MPP7: variants seen among roughly 807,000 people sequenced by gnomAD.
MPP7 encodes the protein MAGUK p55 scaffold protein 7.
MPP7 carries 60 observed loss-of-function variants against 76.5 expected under a neutral mutation model. The observed-to-expected ratio is 0.78, with a 90% CI of 0.64 to 0.97. The LOEUF (loss-of-function observed/expected upper bound fraction) is 0.97, where lower values mean the gene tolerates loss of function less well. Ranked by LOEUF, MPP7 falls within the 50% of genes least tolerant of loss-of-function variation. The probability of loss-of-function intolerance (pLI) is 0.00; values close to 1 mark genes in which losing one functional copy is unlikely to be tolerated. For synonymous variants in MPP7, 237 were observed against 244.5 expected (o/e 0.97, Z 0.29); for missense variants, 641 against 694.0 (o/e 0.92, Z 0.86).
At chr10:28,268,237 G>T (rs376375300) in intron 1 of MPP7, among the ~76,000 whole-genome samples, 1 of 152,122 alleles carries the variant, frequency 6.6e-6, no homozygotes, top group African/African-American at 2.4e-5. Context: ...AGGGCATCCG[G>T]CAGAAGGTAC....
At chr10:28,138,173 A>G (rs1771279204) in intron 5 of MPP7, among the ~76,000 whole-genome samples, 1 of 152,220 alleles carries the variant, frequency 6.6e-6, no homozygotes, top group Middle Eastern at 3.2e-3. Flanking sequence ...TATTCTAGAG[A>G]TGATGTCACT....
At chr10:28,258,339 T>C (rs1839850610) in intron 1 of MPP7, among the ~76,000 whole-genome samples, 2 of 149,186 alleles carry the variant, frequency 1.3e-5, no homozygotes, top group Admixed American at 6.7e-5. Flanking sequence ...GTAAATTTCC[T>C]ATTATACTTA....
intron 3 of MPP7, among the ~76,000 whole-genome samples, chr10:28,194,188 G>A (rs1474914319): frequency 6.6e-6 from 1 of 151,816 alleles, no homozygotes; most frequent in Non-Finnish European, 1.5e-5. Context: ...CTAGTTTTTT[G>A]TATTTCTAGT....
chr10:28,090,163 C>T (rs1293661263), intron 11 of MPP7, among the ~76,000 whole-genome samples: 10 of 152,010 alleles, frequency 6.6e-5, no homozygotes, highest in Non-Finnish European at 1.2e-4. Flanking sequence ...GGTCTTGCTA[C>T]GTTGCCCAGG....
intron 3 of MPP7, among the ~76,000 whole-genome samples, chr10:28,174,384 C>T (rs749233418): frequency 6.6e-6 from 1 of 152,128 alleles, no homozygotes; most frequent in Non-Finnish European, 1.5e-5. Context: ...CTCTTAGCTC[C>T]CATGAAAGCT....
intron 13 of MPP7, among the ~76,000 whole-genome samples, chr10:28,066,123 T>C (rs796738447): frequency 1.3e-5 from 2 of 152,136 alleles, no homozygotes; most frequent in African/African-American, 4.8e-5. Flanking sequence ...TCTCAGCACT[T>C]TGGGAGGCTG....
At chr10:28,288,483 G>A (rs895252158) in intron 1 of MPP7, among the ~76,000 whole-genome samples, 3 of 151,986 alleles carry the variant, frequency 2.0e-5, no homozygotes, top group Middle Eastern at 3.2e-3. Flanking sequence ...TCAAGTGATC[G>A]TCCCACCTCG....
intron 1 of MPP7, among the ~76,000 whole-genome samples, chr10:28,277,631 T>A (rs1267234392): frequency 2.0e-5 from 3 of 152,022 alleles, no homozygotes; most frequent in Admixed American, 6.5e-5. Flanking sequence ...CATGATGTTA[T>A]GCAAGGAAAG....
chr10:28,128,360 C>T (rs1835085221), intron 6 of MPP7, among the ~76,000 whole-genome samples: 1 of 152,148 alleles, frequency 6.6e-6, no homozygotes, highest in Non-Finnish European at 1.5e-5. Context: ...ATCTAAGAGT[C>T]TCCAATGACC....
chr10:28,268,711 G>A (rs1361689247), intron 1 of MPP7, among the ~76,000 whole-genome samples: 2 of 150,272 alleles, frequency 1.3e-5, no homozygotes, highest in South Asian at 2.1e-4. Flanking sequence ...CTCCAGCCTC[G>A]ATGACGGAGT....
intron 11 of MPP7, among the ~76,000 whole-genome samples, chr10:28,093,425 A>G (rs1030772079): frequency 6.6e-6 from 1 of 151,486 alleles, no homozygotes; most frequent in Non-Finnish European, 1.5e-5. Flanking sequence ...TTTAAAATTC[A>G]CTTAAGTTTT....
intron 8 of MPP7, among the ~76,000 whole-genome samples, chr10:28,123,508 G>A (rs1031677179): frequency 1.8e-4 from 23 of 129,726 alleles, no homozygotes; most frequent in Middle Eastern, 4.5e-3. Flanking sequence ...TTGCTATGAC[G>A]CCCAGGCTGG....
At chr10:28,132,817 C>G (rs999972727) in intron 5 of MPP7, among the ~76,000 whole-genome samples, 1 of 152,180 alleles carries the variant, frequency 6.6e-6, no homozygotes, top group African/African-American at 2.4e-5. Flanking sequence ...CCAGGCTGGT[C>G]TTGAACTCCT....
chr10:28,100,703 G>C (rs559682545), intron 11 of MPP7, among the ~76,000 whole-genome samples: 3 of 152,172 alleles, frequency 2.0e-5, no homozygotes, highest in African/African-American at 7.2e-5. Flanking sequence ...AAACACCCTT[G>C]AGTCTTTCAG....
At chr10:28,310,775 G>A (rs993510398) in intron 2 of MPP7, among the ~76,000 whole-genome samples, 2 of 152,078 alleles carry the variant, frequency 1.3e-5, no homozygotes, top group African/African-American at 4.8e-5. Flanking sequence ...GTATTTTTGG[G>A]AAAAAGCTAT....
At chr10:28,234,373 G>A (rs1382231867) in intron 2 of MPP7, among the ~76,000 whole-genome samples, 20 of 152,070 alleles carry the variant, frequency 1.3e-4, no homozygotes. Context: ...ATAAATGGGA[G>A]AGAAAAGACA....
intron 3 of MPP7, among the ~76,000 whole-genome samples, chr10:28,173,641 T>C (rs1015382274): frequency 6.6e-6 from 1 of 152,092 alleles, no homozygotes; most frequent in African/African-American, 2.4e-5. Context: ...AAATTACCCA[T>C]CCTCAACTAT....
chr10:28,141,790 C>T (rs1835529161), intron 5 of MPP7, among the ~76,000 whole-genome samples: 1 of 151,688 alleles, frequency 6.6e-6, no homozygotes, highest in Admixed American at 6.6e-5. Context: ...AAAGAGAATT[C>T]CAAATTTCTT....
intron 1 of MPP7, among the ~76,000 whole-genome samples, chr10:28,241,399 T>C (rs1839263902): frequency 2.0e-5 from 3 of 152,118 alleles, no homozygotes; most frequent in Admixed American, 6.6e-5. Context: ...TCTCAGACCA[T>C]ATACAAGCAT....
Sources: gnomAD v4.1 joint callset for allele counts (sites outside exome capture counted in the v4.1 genomes callset) on GRCh38, gnomAD v4.1.1 for gene constraint, MANE v1.5 for transcripts, NCBI Gene and HGNC (gene_info 2026-07-23, HGNC 2026-07-21) for gene names.